The following SYT9 variants were observed in gnomAD, a reference collection of about 807,000 sequenced individuals.
The protein encoded by SYT9 is synaptotagmin 9.
SYT9 carries 22 observed loss-of-function variants against 48.4 expected under a neutral mutation model. That is an observed-to-expected ratio of 0.45 (90% CI 0.32 to 0.65). The LOEUF is 0.65. Among genes scored for constraint, SYT9 ranks in the 30% least tolerant of loss-of-function variants. The pLI is 0.03. For synonymous variants in SYT9, 265 were observed against 245.0 expected (o/e 1.08, Z -0.76); for missense variants, 577 against 622.0 (o/e 0.93, Z 0.77).
chr11:7,340,436 G>A (rs1267698583), intron 3 of SYT9, among the ~76,000 whole-genome samples: 1 of 152,216 alleles, frequency 6.6e-6, no homozygotes. Flanking sequence ...AAGACACTCT[G>A]ACTATTGGAG....
At chr11:7,331,694 C>T (rs963292570) in intron 3 of SYT9, among the ~76,000 whole-genome samples, 3 of 152,098 alleles carry the variant, frequency 2.0e-5, no homozygotes, top group African/African-American at 7.2e-5. Flanking sequence ...CACTGCGCTC[C>T]AGCCTGGGGG....
At chr11:7,271,767 G>A (rs904659784) in intron 1 of SYT9, among the ~76,000 whole-genome samples, 1 of 152,036 alleles carries the variant, frequency 6.6e-6, no homozygotes, top group Non-Finnish European at 1.5e-5. Flanking sequence ...TAGTAGAGGT[G>A]GGGTTTCGCC....
Position 7,419,704 on chromosome 11 carries a change from C to G in SYT9, c.1338-802C>G, listed in dbSNP as rs187682889. On this transcript the variant is annotated intron_variant, in intron 5 of 6. Transcript: ENST00000318881. The stretch of plus-strand genomic sequence containing the variant: ...TTGAGGTTAGGAGTTCGAGACCAGC[C>G]TGGCCAACGTGGTGAAACCCCGCCT... Among the ~76,000 whole-genome samples the G allele has an allele frequency of 3.7e-3, 564 of 152,158 alleles. 4 individuals are homozygous for G. Among genetic ancestry groups the G allele is most frequent in the African/African-American group, 0.013 (540 of 41,534 alleles).
intron 3 of SYT9, among the ~76,000 whole-genome samples, chr11:7,320,864 G>A (rs1849324966): frequency 6.6e-6 from 1 of 152,190 alleles, no homozygotes; most frequent in Admixed American, 6.5e-5. Context: ...GATTTTATCA[G>A]TCAGCAAGAG....
intron 3 of SYT9, among the ~76,000 whole-genome samples, chr11:7,376,380 CCCTCT>C (rs976253746): frequency 1.2e-4 from 18 of 150,872 alleles, no homozygotes; most frequent in South Asian, 2.1e-4. Context: ...TCCTCCCCTC[CCCTCT>C]CCTCTCCTCT....
At chr11:7,309,194 T>C (rs1849085797) in intron 2 of SYT9, among the ~76,000 whole-genome samples, 1 of 152,212 alleles carries the variant, frequency 6.6e-6, no homozygotes. Context: ...AAAACAGCTT[T>C]TGCCCACCCA....
intron 6 of SYT9, 138 bp downstream of exon 6, chr11:7,420,773 T>C (rs1847339672): frequency 1.9e-6 from 2 of 1,053,230 alleles, no homozygotes; most frequent in Non-Finnish European, 2.7e-6. Flanking sequence ...CCTGGGGCTG[T>C]TGGGACTTGC....
chr11:7,270,832 G>GACACACACACACACACAC (rs56891844), intron 1 of SYT9, among the ~76,000 whole-genome samples: 72 of 147,280 alleles, frequency 4.9e-4, no homozygotes, highest in South Asian at 6.6e-4. Flanking sequence ...ACAAGACACA[G>GACACACACACACACACAC]ACACACACAC....
intron 1 of SYT9, among the ~76,000 whole-genome samples, chr11:7,287,289 C>A (rs1848614440): frequency 6.6e-6 from 1 of 152,166 alleles, no homozygotes; most frequent in African/African-American, 2.4e-5. Context: ...CTCTCTATCA[C>A]AAGAACAGCA....
chr11:7,251,750 GGTCCCAAGCCAA>G (rs1847870715), upstream of SYT9, among the ~76,000 whole-genome samples: 1 of 152,150 alleles, frequency 6.6e-6, no homozygotes, highest in African/African-American at 2.4e-5. Context: ...CTGGGCGCGA[GGTCCCAAGCCAA>G]GTCTCGCGCT....
intron 3 of SYT9, among the ~76,000 whole-genome samples, chr11:7,323,707 T>G (rs1184474332): frequency 2.6e-5 from 4 of 152,050 alleles, no homozygotes; most frequent in Admixed American, 6.6e-5. Flanking sequence ...TTGCTATATT[T>G]TATACTTTTT....
chr11:7,367,430 T>C (rs900599325), intron 3 of SYT9, among the ~76,000 whole-genome samples: 10 of 152,058 alleles, frequency 6.6e-5, no homozygotes, highest in Admixed American at 1.3e-4. Flanking sequence ...TTAGTTGTTA[T>C]AGTTATCCTG....
chr11:7,415,608 G>A (rs1429675169), intron 3 of SYT9, among the ~76,000 whole-genome samples: 1 of 152,050 alleles, frequency 6.6e-6, no homozygotes, highest in African/African-American at 2.4e-5. Context: ...AGTACTGGAG[G>A]GCACCTGTTT....
intron 3 of SYT9, among the ~76,000 whole-genome samples, chr11:7,353,604 T>C (rs1849960632): frequency 6.6e-6 from 1 of 152,236 alleles, no homozygotes; most frequent in African/African-American, 2.4e-5. Flanking sequence ...ATCTCTTCCT[T>C]GAGTGCTCTG....
intron 3 of SYT9, among the ~76,000 whole-genome samples, chr11:7,330,260 A>G (rs1425441715): frequency 6.6e-6 from 1 of 152,206 alleles, no homozygotes; most frequent in Non-Finnish European, 1.5e-5. Flanking sequence ...GCATGGATGG[A>G]TATCAGGGGT....
intron 1 of SYT9, among the ~76,000 whole-genome samples, chr11:7,286,371 G>GCAGGGTAC (rs58738933): frequency 0.022 from 3,292 of 152,330 alleles, 61 homozygotes; most frequent in East Asian, 0.097. Context: ...CAGCTGAGAT[G>GCAGGGTAC]CAGGGCACCA....
At chr11:7,390,580 T>C (rs1022878088) in intron 3 of SYT9, among the ~76,000 whole-genome samples, 2 of 152,192 alleles carry the variant, frequency 1.3e-5, no homozygotes, top group Non-Finnish European at 2.9e-5. Context: ...TAAAGAAGCA[T>C]AATAAATTCT....
chr11:7,251,099 GACAC>G (rs369736479), upstream of SYT9, among the ~76,000 whole-genome samples: 1,281 of 131,932 alleles, frequency 9.7e-3, 9 homozygotes, highest in Middle Eastern at 0.062. Flanking sequence ...GTGGCACAGT[GACAC>G]ACACACACAC....
At chr11:7,418,893 C>T (rs948729279) in intron 5 of SYT9, among the ~76,000 whole-genome samples, 7 of 152,226 alleles carry the variant, frequency 4.6e-5, no homozygotes, top group South Asian at 2.1e-4. Flanking sequence ...AAACCTCCCA[C>T]GTGGTCTGGA....
Sources: allele counts gnomAD v4.1 joint callset (sites outside exome capture counted in the v4.1 genomes callset), GRCh38; gene constraint gnomAD v4.1.1; transcripts MANE v1.5; gene names NCBI Gene and HGNC (gene_info 2026-07-23, HGNC 2026-07-21).